GALNT17: variants seen among roughly 807,000 people sequenced by gnomAD.
GALNT17 encodes the protein polypeptide N-acetylgalactosaminyltransferase 17, also known as UDP-GalNAc:polypeptide N-acetylgalactosaminyltransferase-like 3.
A neutral mutation model predicts 63.7 loss-of-function variants in GALNT17; 29 were observed. The ratio of observed to expected loss-of-function variants is 0.46; its 90% CI spans 0.34 to 0.62. The LOEUF is 0.62. Ranked by LOEUF, GALNT17 falls within the 20% of genes least tolerant of loss-of-function variation. The pLI is 0.01. For synonymous variants in GALNT17, 305 were observed against 318.3 expected, an observed-to-expected ratio of 0.96 and a Z score of 0.45; for missense variants, 603 against 799.6, an observed-to-expected ratio of 0.75 and a Z score of 2.97.
At chr7:71,246,219 T>A (rs1234429572) in intron 1 of GALNT17, among the ~76,000 whole-genome samples, 1 of 143,252 alleles carries the variant, frequency 7.0e-6, no homozygotes, top group Non-Finnish European at 1.5e-5. Flanking sequence ...CCTCCTGGAC[T>A]CAAGCAGTTC....
chr7:71,229,268 T>G (rs1038650964), intron 1 of GALNT17, among the ~76,000 whole-genome samples: 1 of 152,206 alleles, frequency 6.6e-6, no homozygotes, highest in African/African-American at 2.4e-5. Context: ...CTCAGGCCAC[T>G]GCGACTTGGG....
intron 1 of GALNT17, among the ~76,000 whole-genome samples, chr7:71,181,860 G>A (rs1788740893): frequency 1.4e-5 from 2 of 142,488 alleles, no homozygotes; most frequent in African/African-American, 2.7e-5. Context: ...CTGGGTGACA[G>A]AATGAGACCC....
intron 1 of GALNT17, among the ~76,000 whole-genome samples, chr7:71,293,613 C>T (rs1342493385): frequency 2.6e-5 from 4 of 152,204 alleles, no homozygotes; most frequent in African/African-American, 9.6e-5. Flanking sequence ...ATAAACATTT[C>T]TTGAAAGGCA....
At chr7:71,610,770 G>GA (rs371064981) in intron 6 of GALNT17, among the ~76,000 whole-genome samples, 36 of 152,172 alleles carry the variant, frequency 2.4e-4, no homozygotes, top group Admixed American at 2.0e-3. Flanking sequence ...CGGATCACCT[G>GA]AGGTCAGGAG....
chr7:71,330,192 T>C (rs1791783425), intron 1 of GALNT17, among the ~76,000 whole-genome samples: 1 of 151,998 alleles, frequency 6.6e-6, no homozygotes, highest in Admixed American at 6.6e-5. Flanking sequence ...TTTGTATTTT[T>C]AGTAGAGACA....
chr7:71,528,524 A>G (rs970095299), intron 5 of GALNT17, among the ~76,000 whole-genome samples: 2 of 152,142 alleles, frequency 1.3e-5, no homozygotes, highest in African/African-American at 4.8e-5. Flanking sequence ...GTGTCTTCTC[A>G]TCCTGGGACC....
intron 2 of GALNT17, among the ~76,000 whole-genome samples, chr7:71,362,392 A>T (rs569995836): frequency 6.6e-6 from 1 of 152,332 alleles, no homozygotes; most frequent in African/African-American, 2.4e-5. Context: ...AAATGTACTT[A>T]ACAGCAATTA....
chr7:71,675,800 A>C (rs1376220308), intron 8 of GALNT17, among the ~76,000 whole-genome samples: 1 of 152,168 alleles, frequency 6.6e-6, no homozygotes, highest in African/African-American at 2.4e-5. Flanking sequence ...CAGCCTGGCC[A>C]ACGTGGTGAA....
chr7:71,353,804 T>G (rs1350824673), intron 2 of GALNT17, among the ~76,000 whole-genome samples: 1 of 152,192 alleles, frequency 6.6e-6, no homozygotes, highest in Non-Finnish European at 1.5e-5. Context: ...ATGTGGTGTA[T>G]TAATCTGTTC....
chr7:71,531,229 A>G (rs1237945445), intron 5 of GALNT17, among the ~76,000 whole-genome samples: 1 of 152,176 alleles, frequency 6.6e-6, no homozygotes, highest in South Asian at 2.1e-4. Flanking sequence ...TCCATTATGC[A>G]TCAATTAAAA....
intron 9 of GALNT17, among the ~76,000 whole-genome samples, chr7:71,681,948 A>T (rs1319969247): frequency 1.3e-5 from 2 of 152,014 alleles, no homozygotes; most frequent in Non-Finnish European, 2.9e-5. Flanking sequence ...TTGTTTTCAG[A>T]CAGAGTCTCG....
intron 3 of GALNT17, among the ~76,000 whole-genome samples, chr7:71,396,371 G>A (rs1337926987): frequency 6.6e-6 from 1 of 152,042 alleles, no homozygotes; most frequent in African/African-American, 2.4e-5. Context: ...TTGTTCAAGA[G>A]TCCAATTTTT....
chr7:71,312,003 G>A (rs1344583157), intron 1 of GALNT17, among the ~76,000 whole-genome samples: 2 of 152,172 alleles, frequency 1.3e-5, no homozygotes, highest in Non-Finnish European at 2.9e-5. Context: ...CATGAGTGCC[G>A]TGACAGTTTA....
intron 2 of GALNT17, among the ~76,000 whole-genome samples, chr7:71,351,367 A>G (rs1213371729): frequency 6.6e-6 from 1 of 152,078 alleles, no homozygotes; most frequent in African/African-American, 2.4e-5. Context: ...AATGGGAACA[A>G]AAGTGATATA....
At chr7:71,409,614 C>T (rs1354011351) in intron 3 of GALNT17, among the ~76,000 whole-genome samples, 1 of 152,128 alleles carries the variant, frequency 6.6e-6, no homozygotes, top group Admixed American at 6.5e-5. Context: ...ACTGGGTGGC[C>T]ACTTCCCAAG....
At chr7:71,466,110 C>T (rs1401945581) in intron 5 of GALNT17, among the ~76,000 whole-genome samples, 2 of 152,180 alleles carry the variant, frequency 1.3e-5, no homozygotes, top group African/African-American at 2.4e-5. Context: ...CTTCTGTCAG[C>T]TGACCCTGCA....
Position 71,132,750 on chromosome 7 carries a change from C to T in GALNT17, c.-53C>T. The T allele has an allele frequency of 6.7e-7, 1 of 1,481,930 alleles. No homozygotes were observed. Among genetic ancestry groups the T allele is most frequent in the South Asian group, 1.3e-5 (1 of 77,150 alleles). 91.8% of individuals were successfully genotyped at this position (1,481,930 alleles called of 1,614,324 possible). Reference sequence around the variant, plus strand: ...CACGGCCCCTGGCTGCCCCGCGCCTCGCCGGAGCCCGAGGGGGCGCAGGTC... The same window carrying T: ...CACGGCCCCTGGCTGCCCCGCGCCTTGCCGGAGCCCGAGGGGGCGCAGGTC... On this transcript the variant is annotated 5_prime_UTR_variant, in exon 1 of 11. Coordinates refer to ENST00000333538, the MANE Select transcript of GALNT17 (RefSeq NM_022479.3).
intron 1 of GALNT17, among the ~76,000 whole-genome samples, chr7:71,334,479 A>G (rs1269118379): frequency 4.6e-5 from 7 of 151,956 alleles, no homozygotes; most frequent in African/African-American, 1.7e-4. Flanking sequence ...TTGTGTGTGT[A>G]TGTGTGTATG....
At chr7:71,620,129 G>C (rs1790269863) in intron 6 of GALNT17, among the ~76,000 whole-genome samples, 1 of 152,156 alleles carries the variant, frequency 6.6e-6, no homozygotes, top group African/African-American at 2.4e-5. Context: ...TTGTATCCCA[G>C]CAATAGAGCC....
Sources: allele counts gnomAD v4.1 joint callset (sites outside exome capture counted in the v4.1 genomes callset), GRCh38; gene constraint gnomAD v4.1.1; transcripts MANE v1.5; gene names NCBI Gene and HGNC (gene_info 2026-07-23, HGNC 2026-07-21).